Variants in ZCCHC2 observed in about 807,000 individuals in gnomAD.
The protein encoded by ZCCHC2 is zinc finger CCHC domain-containing protein 2.
Under a neutral mutation model 103.6 loss-of-function variants are expected in ZCCHC2, and 39 were observed. The observed-to-expected ratio is 0.38, with a 90% CI of 0.29 to 0.49. The LOEUF is 0.49. ZCCHC2 is among the 20% of genes least tolerant of loss of function. The probability of loss-of-function intolerance (pLI) is 0.96; values close to 1 mark genes in which losing one functional copy is unlikely to be tolerated. For missense variants in ZCCHC2, 1,483 were observed against 1,491.0 expected (o/e 0.99, Z 0.09); for synonymous variants, 687 against 608.9 (o/e 1.13, Z -1.89).
In ZCCHC2 at chr18:62,574,632, A is replaced by G; in HGVS notation, c.2551A>G (p.Ile851Val). 1 of 1,613,932 alleles carries G rather than the reference A, an allele frequency of 6.2e-7. No homozygotes were observed. Among genetic ancestry groups the G allele is most frequent in the South Asian group, 1.1e-5 (1 of 91,084 alleles). ...ATCACCAAACACTGCCTTTATTCCTATCCATAACCCAGGTAGTTTCCCAGG... is the reference window on the plus strand; with the variant it reads ...ATCACCAAACACTGCCTTTATTCCTGTCCATAACCCAGGTAGTTTCCCAGG... ...IASPNTAFIPIHNPGSFPGSP... is the reference protein window; with the variant it reads ...IASPNTAFIPVHNPGSFPGSP... The change falls in exon 13 of 14, where the codon ATC (isoleucine) becomes GTC (valine). Residue 851 changes from isoleucine (I) to valine (V), a missense_variant. By Grantham distance (29) the Ile-to-Val change is conservative. Transcript: ENST00000269499.
intron 1 of ZCCHC2, among the ~76,000 whole-genome samples, chr18:62,535,397 G>A (rs949202233): frequency 1.4e-4 from 21 of 152,204 alleles, no homozygotes; most frequent in African/African-American, 4.3e-4. Flanking sequence ...CTATGAATCT[G>A]CCTATTTAAA....
At chr18:62,548,478 C>T (rs1312502988) in intron 4 of ZCCHC2, among the ~76,000 whole-genome samples, 1 of 152,160 alleles carries the variant, frequency 6.6e-6, no homozygotes, top group African/African-American at 2.4e-5. Context: ...TTGAAATAGA[C>T]TTTTCACTGA....
In ZCCHC2 at chr18:62,570,138, T is replaced by C. The variant is rs748755656; in HGVS notation, c.1882T>C (p.Cys628Arg). 6.2e-7 allele frequency: 1 copy of C among 1,612,782 alleles called. No individual in the cohort carries two copies. Among genetic ancestry groups the C allele is most frequent in the Non-Finnish European group, 8.5e-7 (1 of 1,179,302 alleles). The change falls in exon 12 of 14, where the codon TGT becomes CGT. Residue 628 changes from cysteine to arginine, a missense_variant. Around this residue, in one of 3 missense-constraint regions of ZCCHC2, gnomAD observed 884 missense variants for 907.5 expected, o/e 0.97. Coordinates refer to ENST00000269499, the MANE Select transcript of ZCCHC2 (RefSeq NM_017742.6). ...NLDIGSGHDT[C>R]GETSSESYSS... is the part of the protein sequence containing the mutation. ...GGACATTGGCTCTGGACATGACACA[T>C]GTGGAGAAACATCTTCAGAGAGTTA... is the stretch of plus-strand genomic sequence containing the variant.
Position 62,574,546 on chromosome 18 carries a change from G to A in ZCCHC2, c.2465G>A (p.Gly822Glu), listed in dbSNP as rs1409060266. The A allele has an allele frequency of 6.2e-7, 1 of 1,613,946 alleles. No individual in the cohort carries two copies. The highest frequency in any genetic ancestry group is 1.7e-5 in the Admixed American group (1 of 60,016). ...VQRLKLPPPQ[G>E]SSESCTVNIP... The stretch of plus-strand genomic sequence containing the variant: ...AGGCTAAAGTTGCCACCACCACAGG[G>A]ATCTTCTGAGAGCTGCACAGTTAAC... Residue 822 changes from glycine (G) to glutamate (E), a missense_variant, in exon 13 of 14, where the codon GGA (glycine) becomes GAA (glutamate). By Grantham distance (98) the Gly-to-Glu change is moderately conservative. Around this residue, in one of 3 missense-constraint regions of ZCCHC2, gnomAD observed 884 missense variants for 907.5 expected, o/e 0.97. Coordinates refer to ENST00000269499, the MANE Select transcript of ZCCHC2 (RefSeq NM_017742.6).
intron 1 of ZCCHC2, among the ~76,000 whole-genome samples, chr18:62,537,631 C>G (rs927007839): frequency 6.6e-6 from 1 of 152,198 alleles, no homozygotes; most frequent in Non-Finnish European, 1.5e-5. Flanking sequence ...CTTTTTAAGG[C>G]TGAATCATAG....
Position 62,561,739 on chromosome 18 carries a change from G to C in ZCCHC2, c.1550+1095G>C, listed in dbSNP as rs370709684. ...TCATCTGGCATCCAGAGTTTCAATC[G>C]GTCTTACTGCTGCTCTTTTGAAGAT... On this transcript the variant is annotated intron_variant, in intron 8 of 13. Transcript: ENST00000269499. Among the ~76,000 whole-genome samples the C allele has an allele frequency of 1.1e-4, 16 of 152,202 alleles. No individual in the cohort carries two copies. In the East Asian group the frequency reaches 2.9e-3, roughly 27 times the overall value.
chr18:62,541,834 C>T (rs1385312872), intron 2 of ZCCHC2, among the ~76,000 whole-genome samples: 2 of 152,112 alleles, frequency 1.3e-5, no homozygotes. Flanking sequence ...CATGAATAAA[C>T]TGATTATCTA....
chr18:62,559,558 C>T (rs573359321), intron 7 of ZCCHC2, among the ~76,000 whole-genome samples: 2 of 152,134 alleles, frequency 1.3e-5, no homozygotes, highest in East Asian at 1.9e-4. Flanking sequence ...CTATTTTGGA[C>T]GAAATTTGGT....
rs1915616277 is a variant in ZCCHC2, at chr18:62,550,456, C to G, written c.1309C>G (p.Leu437Val). 3 of 1,611,636 alleles carry G rather than the reference C, an allele frequency of 1.9e-6. No individual in the cohort carries two copies. Among genetic ancestry groups the G allele is most frequent in the Non-Finnish European group, 2.5e-6 (3 of 1,178,646 alleles). ...GCGACATCCTGACCTAGAGCCCATC[C>G]TAAGGTAATGATTTACCTGACGCCT... ...ERRHPDLEPILRQLFSSSSQA... is the reference protein window; with the variant it reads ...ERRHPDLEPIVRQLFSSSSQA... Residue 437 changes from leucine to valine, a missense_variant, in exon 5 of 14, where the codon CTA becomes GTA. This residue lies in a region of ZCCHC2 where 884 missense variants were observed against 907.5 expected (regional missense o/e 0.97). Transcript: ENST00000269499.
chr18:62,576,367 A>G, intron 13 of ZCCHC2, 145 bp from the exon 14 acceptor site: 1 of 610,272 alleles, frequency 1.6e-6, no homozygotes. Flanking sequence ...TTGCTTTTTA[A>G]AGTGAGCGGA....
At chr18:62,561,327 TATC>T (rs1432858272) in intron 8 of ZCCHC2, among the ~76,000 whole-genome samples, 2 of 152,248 alleles carry the variant, frequency 1.3e-5, no homozygotes, top group Non-Finnish European at 2.9e-5. Flanking sequence ...ATAGTTTCCT[TATC>T]ATCTGGTTCT....
At chr18:62,564,135 A>T (rs149761177) in intron 9 of ZCCHC2, among the ~76,000 whole-genome samples, 1 of 152,178 alleles carries the variant, frequency 6.6e-6, no homozygotes, top group African/African-American at 2.4e-5. Context: ...TTTTAGTCAT[A>T]ATTAGTGACC....
intron 5 of ZCCHC2, among the ~76,000 whole-genome samples, chr18:62,555,299 A>G (rs889804728): frequency 6.6e-6 from 1 of 152,244 alleles, no homozygotes; most frequent in Non-Finnish European, 1.5e-5. Context: ...TTTTAATTAC[A>G]TTAATAAAAT....
chr18:62,575,017 G>A lies in ZCCHC2; in HGVS notation c.2936G>A (p.Ser979Asn), dbSNP rs1308659880. 6.2e-7 allele frequency: 1 copy of A among 1,613,886 alleles called. No individual in the cohort carries two copies. Among genetic ancestry groups the A allele is most frequent in the African/African-American group, 1.3e-5 (1 of 74,928 alleles). ...AGCCCAAGCCCTGCCTTGACACACAGTACCGCGCAGAGTGACAGCACCTCT... is the reference window on the plus strand; with the variant it reads ...AGCCCAAGCCCTGCCTTGACACACAATACCGCGCAGAGTGACAGCACCTCT... ...APSPSPALTH[S>N]TAQSDSTSYI... The change falls in exon 13 of 14, where the codon AGT becomes AAT. Residue 979 changes from serine to asparagine, a missense_variant. Physicochemically the swap from Ser to Asn is conservative, Grantham distance 46. This residue lies in a region of ZCCHC2 where 884 missense variants were observed against 907.5 expected (regional missense o/e 0.97). Coordinates refer to ENST00000269499, the MANE Select transcript of ZCCHC2 (RefSeq NM_017742.6).
intron 1 of ZCCHC2, among the ~76,000 whole-genome samples, chr18:62,532,590 G>C (rs1386092396): frequency 1.3e-5 from 2 of 152,054 alleles, no homozygotes; most frequent in African/African-American, 2.4e-5. Flanking sequence ...TTCATTCTAG[G>C]CTGGGTTCAT....
chr18:62,560,987 C>T (rs1916091663), intron 8 of ZCCHC2, among the ~76,000 whole-genome samples: 1 of 152,140 alleles, frequency 6.6e-6, no homozygotes, highest in Admixed American at 6.5e-5. Flanking sequence ...AATTTGAGGA[C>T]CTTAGATTAC....
chr18:62,558,930 G>A (rs2145516832), intron 7 of ZCCHC2, among the ~76,000 whole-genome samples, 160 bp downstream of exon 7: 1 of 152,326 alleles, frequency 6.6e-6, no homozygotes, highest in East Asian at 1.9e-4. Context: ...ATGGTGTGTG[G>A]AGAAAGAATA....
In ZCCHC2 at chr18:62,574,758, C is replaced by T; in HGVS notation, c.2677C>T (p.Pro893Ser). The change falls in exon 13 of 14, where the codon CCT (proline) becomes TCT (serine). Residue 893 changes from proline to serine, a missense_variant. By Grantham distance (74) the Pro-to-Ser change is moderately conservative. Coordinates refer to ENST00000269499, the MANE Select transcript of ZCCHC2 (RefSeq NM_017742.6). ...PQIEGNTGTV[P>S]QPTNVKVVLP... The stretch of plus-strand genomic sequence containing the variant: ...AATTGAGGGAAACACAGGGACAGTC[C>T]CTCAGCCTACCAATGTGAAGGTAGT... The T allele has an allele frequency of 6.2e-7, 1 of 1,613,966 alleles. No homozygotes were observed. Among genetic ancestry groups the T allele is most frequent in the Non-Finnish European group, 8.5e-7 (1 of 1,179,888 alleles).
In ZCCHC2 at chr18:62,552,907, A is replaced by AG. The variant is rs398033154; in HGVS notation, c.1313+2448dup. 1.9e-4 allele frequency among the ~76,000 whole-genome samples: 28 copies of AG among 149,596 alleles called. 1 individual carries two copies. The South Asian group carries it at 5.7e-3, about 31-fold the overall frequency. On this transcript the variant is annotated intron_variant, in intron 5 of 13. Transcript: ENST00000269499. ...CCTGTCTCTTAAAAAAAAAAAAAAA[A>AG]GTATGTGGGTGACTCCTTGTTAAAG...
Sources: gnomAD v4.1 joint callset for allele counts (sites outside exome capture counted in the v4.1 genomes callset) on GRCh38, gnomAD v4.1.1 for gene constraint, gnomAD v4.1.1 regional missense constraint, MANE v1.5 for transcripts, NCBI Gene and HGNC (gene_info 2026-07-23, HGNC 2026-07-21) for gene names.